MTR: variants seen among roughly 807,000 people sequenced by gnomAD.
MTR encodes the protein methionine synthase.
A neutral mutation model predicts 154.8 loss-of-function variants in MTR; 84 were observed. The observed-to-expected ratio is 0.54, with a 90% CI of 0.45 to 0.65. The LOEUF (loss-of-function observed/expected upper bound fraction) is 0.65. Among genes scored for constraint, MTR ranks in the 30% least tolerant of loss-of-function variants. MTR has a pLI of 0.00. For synonymous variants in MTR, 554 were observed against 553.9 expected (o/e 1.00, Z 0.00); for missense variants, 1,275 against 1,570.2 (o/e 0.81, Z 3.18).
chr1:236,826,489 T>G (rs1047724559), intron 10 of MTR, among the ~76,000 whole-genome samples: 4 of 152,082 alleles, frequency 2.6e-5, no homozygotes, highest in African/African-American at 9.7e-5. Context: ...AGAGATGAGG[T>G]CTTGCTATAT....
At chr1:236,810,937 C>T (rs565203780) in intron 5 of MTR, among the ~76,000 whole-genome samples, 3 of 152,280 alleles carry the variant, frequency 2.0e-5, no homozygotes, top group East Asian at 1.9e-4. Context: ...AAATAGCACA[C>T]AATATCCTCA....
At chr1:236,828,429 A>C (rs1011333713) in intron 11 of MTR, among the ~76,000 whole-genome samples, 10 of 152,122 alleles carry the variant, frequency 6.6e-5, no homozygotes, top group African/African-American at 2.4e-4. Flanking sequence ...ATGTTTGTGT[A>C]TATCTATATT....
intron 22 of MTR, among the ~76,000 whole-genome samples, chr1:236,873,337 C>T (rs1192274578): frequency 1.3e-5 from 2 of 152,138 alleles, no homozygotes; most frequent in Non-Finnish European, 2.9e-5. Flanking sequence ...TGTTTCTGCT[C>T]TGGGTGATAA....
At chr1:236,826,207 T>G (rs1317220716) in intron 10 of MTR, among the ~76,000 whole-genome samples, 1 of 152,254 alleles carries the variant, frequency 6.6e-6, no homozygotes, top group Non-Finnish European at 1.5e-5. Context: ...TTTGTGTTAT[T>G]TGAAAATGTG....
Position 236,861,166 on chromosome 1 carries a change from G to T in MTR, c.2085G>T (p.Arg695Ser). 1 of 1,610,792 alleles carries T rather than the reference G, an allele frequency of 6.2e-7. No homozygotes were observed. The highest frequency in any genetic ancestry group is 8.5e-7 in the Non-Finnish European group (1 of 1,179,368). ...KHIIEDTEEA[R>S]LNQKKYPRPL... ...TTATTGAGGATACTGAGGAAGCCAG[G>T]TTAAACCAAAAAAAATATCCCCGAC... The change falls in exon 20 of 33, where the codon AGG becomes AGT. Residue 695 changes from arginine to serine, a missense_variant. By Grantham distance (110) the Arg-to-Ser change is moderately radical. Transcript: ENST00000366577.
chr1:236,795,664 T>C lies in MTR; in HGVS notation c.-40T>C, dbSNP rs546758701. The C allele has an allele frequency of 1.6e-5, 26 of 1,613,420 alleles. No individual in the cohort carries two copies. In the African/African-American group the frequency reaches 3.5e-4, roughly 21 times the overall value. ...GTCGTCACCTGTGGAGAGCACGTCT[T>C]CTCTGCCGCGCCCTCTGCGCAAGGA... is the stretch of plus-strand genomic sequence containing the variant. On this transcript the variant is annotated 5_prime_UTR_variant, in exon 1 of 33. Coordinates refer to ENST00000366577, the MANE Select transcript of MTR (RefSeq NM_000254.3).
chr1:236,853,081 A>G lies in MTR; in HGVS notation c.1946A>G (p.Tyr649Cys). The G allele has an allele frequency of 1.2e-6, 2 of 1,614,016 alleles. No homozygotes were observed. The highest frequency in any genetic ancestry group is 1.7e-6 in the Non-Finnish European group (2 of 1,179,906). Residue 649 changes from tyrosine (Y) to cysteine (C), a missense_variant, in exon 18 of 33, where the codon TAT (tyrosine) becomes TGT (cysteine). Coordinates refer to ENST00000366577, the MANE Select transcript of MTR (RefSeq NM_000254.3). ...DPEATEKLLR[Y>C]AQTQGTGGKK... ...GAGGCCACTGAGAAGCTCTTACGTT[A>G]TGCCCAGGTAGAGAGACAAGTGTTC... is the stretch of plus-strand genomic sequence containing the variant.
intron 18 of MTR, among the ~76,000 whole-genome samples, chr1:236,853,308 T>G (rs936051568): frequency 5.3e-5 from 8 of 152,196 alleles, no homozygotes; most frequent in African/African-American, 1.9e-4. Flanking sequence ...GAACTTAGGT[T>G]TCTTTAAATT....
chr1:236,894,455 C>T lies in MTR; in HGVS notation c.3303C>T (p.Ala1101=), dbSNP rs146927804. ...TCCGTGACTACCTGGGCCTGTTTGC[C>T]GTTGCCTGCTTTGGGGTAGAAGAGC... ...SGIRDYLGLF[A]VACFGVEELS... is the part of the protein sequence containing the mutation. Residue 1101 remains alanine (A), a synonymous_variant, in exon 30 of 33, where the codon GCC becomes GCT. Coordinates refer to ENST00000366577, the MANE Select transcript of MTR (RefSeq NM_000254.3). 110 of 1,614,088 alleles carry T rather than the reference C, an allele frequency of 6.8e-5. No homozygotes were observed. The highest frequency in any genetic ancestry group is 2.5e-4 in the African/African-American group (19 of 74,918).
chr1:236,860,405 G>GTTTT (rs200802890), intron 19 of MTR, among the ~76,000 whole-genome samples: 6 of 126,716 alleles, frequency 4.7e-5, no homozygotes, highest in Middle Eastern at 3.8e-3. Flanking sequence ...GTTTTGTTTT[G>GTTTT]TTTTGTTTTT....
At chr1:236,882,869 A>G (rs6665348) in intron 25 of MTR, among the ~76,000 whole-genome samples, 53,686 of 152,168 alleles carry the variant, frequency 0.35, 10,270 homozygotes, top group East Asian at 0.44. Flanking sequence ...CATAAGTCAG[A>G]TGATAAATCA....
chr1:236,803,594 T>C lies in MTR; in HGVS notation c.201T>C (p.Asn67=). 6.2e-7 allele frequency: 1 copy of C among 1,614,156 alleles called. No homozygotes were observed. Among genetic ancestry groups the C allele is most frequent in the East Asian group, 2.2e-5 (1 of 44,882 alleles). The part of the protein sequence containing the change: ...KDHARPLKGN[N]DILSITQPDV... ...ATGCCAGGCCGCTGAAAGGCAACAA[T>C]GACATTTTAAGTATAACTCAGCCTG... is the stretch of plus-strand genomic sequence containing the variant. Residue 67 remains asparagine, a synonymous_variant, in exon 2 of 33, where the codon AAT becomes AAC. Coordinates refer to ENST00000366577, the MANE Select transcript of MTR (RefSeq NM_000254.3).
Position 236,903,745 on chromosome 1 carries a change from A to C in MTR, c.*6101A>C, listed in dbSNP as rs886046258. ...TGCAGCAGGTGAGGAAGGAACTCTG[A>C]ACTCTCACAATCTTGTTTCTTCATT... On this transcript the variant is annotated 3_prime_UTR_variant, in exon 33 of 33. Coordinates refer to ENST00000366577, the MANE Select transcript of MTR (RefSeq NM_000254.3). 15 of 152,186 alleles carry C rather than the reference A, an allele frequency of 9.9e-5. No individual in the cohort carries two copies. The highest frequency in any genetic ancestry group is 1.4e-4 in the African/African-American group (6 of 41,442). 9.4% of individuals were successfully genotyped at this position (152,186 alleles called of 1,614,324 possible).
At chr1:236,875,959 G>C (rs1320159166) in intron 24 of MTR, among the ~76,000 whole-genome samples, 2 of 152,116 alleles carry the variant, frequency 1.3e-5, no homozygotes, top group African/African-American at 4.8e-5. Flanking sequence ...GTCTAGAGGT[G>C]GAATTTCTTC....
At chr1:236,816,367 G>A (rs1661592527) in intron 7 of MTR, 82 bp from the exon 8 acceptor site, 7 of 1,149,402 alleles carry the variant, frequency 6.1e-6, no homozygotes, top group South Asian at 2.5e-5. Flanking sequence ...AAGGAAGTCA[G>A]TGTGTTCATT....
chr1:236,855,667 C>T (rs1164187153), intron 18 of MTR, among the ~76,000 whole-genome samples: 2 of 152,206 alleles, frequency 1.3e-5, no homozygotes, highest in Non-Finnish European at 2.9e-5. Flanking sequence ...AACCGTGAGG[C>T]CCCTGTGAGG....
intron 7 of MTR, 148 bp from the exon 8 acceptor site, chr1:236,816,301 T>G (rs3795707): frequency 6.9e-5 from 50 of 727,532 alleles, no homozygotes; most frequent in African/African-American, 5.9e-4. Context: ...CTGACTATTA[T>G]AGAAAGTGCC....
At chr1:236,845,149 T>C (rs953941327) in intron 15 of MTR, among the ~76,000 whole-genome samples, 16 of 152,350 alleles carry the variant, frequency 1.1e-4, no homozygotes, top group African/African-American at 3.8e-4. Flanking sequence ...CCTTTGGTCT[T>C]CCTCATTTGA....
intron 23 of MTR, 117 bp from the exon 24 acceptor site, chr1:236,874,609 T>G: frequency 2.6e-6 from 2 of 777,676 alleles, no homozygotes; most frequent in Non-Finnish European, 4.0e-6. Context: ...GGAATTCATG[T>G]TAGGTCTTTT....
Sources: gnomAD v4.1 joint callset for allele counts (sites outside exome capture counted in the v4.1 genomes callset) on GRCh38, gnomAD v4.1.1 for gene constraint, MANE v1.5 for transcripts, NCBI Gene and HGNC (gene_info 2026-07-23, HGNC 2026-07-21) for gene names.